The following EIF2AK3 variants were observed in gnomAD, a reference collection of about 807,000 sequenced individuals.
The protein encoded by EIF2AK3 is eukaryotic translation initiation factor 2-alpha kinase 3.
Under a neutral mutation model 113.5 loss-of-function variants are expected in EIF2AK3, and 50 were observed. The ratio of observed to expected loss-of-function variants is 0.44; its 90% CI spans 0.35 to 0.56. The LOEUF (loss-of-function observed/expected upper bound fraction) is 0.56, where lower values mean the gene tolerates loss of function less well. EIF2AK3 is among the 20% of genes least tolerant of loss of function. The pLI is 0.00. For synonymous variants in EIF2AK3, 448 were observed against 495.4 expected, an observed-to-expected ratio of 0.90 and a Z score of 1.27; for missense variants, 1,185 against 1,378.0, an observed-to-expected ratio of 0.86 and a Z score of 2.22.
chr2:88,613,374 TTTTA>T (rs1675499291), intron 2 of EIF2AK3, among the ~76,000 whole-genome samples: 1 of 152,210 alleles, frequency 6.6e-6, no homozygotes, highest in Non-Finnish European at 1.5e-5. Context: ...TCAATAAAGT[TTTTA>T]TTTATATTTA....
chr2:88,621,507 A>G (rs1465496833), intron 1 of EIF2AK3, among the ~76,000 whole-genome samples: 1 of 152,232 alleles, frequency 6.6e-6, no homozygotes, highest in Non-Finnish European at 1.5e-5. Context: ...TTATTTCACA[A>G]AACTATAAAT....
chr2:88,574,959 G>C lies in EIF2AK3; in HGVS notation c.2524C>G (p.Pro842Ala), dbSNP rs776415401. Residue 842 changes from proline (P) to alanine (A), a missense_variant, in exon 13 of 17, where the codon CCC (proline) becomes GCC (alanine). Physicochemically the swap from Pro to Ala is conservative, Grantham distance 27. Around this residue, in one of 3 missense-constraint regions of EIF2AK3, gnomAD observed 877 missense variants for 1,024.2 expected, o/e 0.86. Transcript: ENST00000303236. Reference protein sequence around the residue: ...HCANKLTAFKPTSSKSSSEAT... With the variant: ...HCANKLTAFKATSSKSSSEAT... ...TCAGAAGAAGATTTGCTACTGGTGG[G>C]CTTGAAAGCAGTTAGTTTATTAGCA... is the stretch of plus-strand genomic sequence containing the variant. 4 of 1,614,224 alleles carry C rather than the reference G, an allele frequency of 2.5e-6. No individual in the cohort carries two copies. The South Asian group carries it at 4.4e-5, about 18-fold the overall frequency.
At chr2:88,593,478 T>C in intron 3 of EIF2AK3, 73 bp from the exon 4 acceptor site, 1 of 1,567,020 alleles carries the variant, frequency 6.4e-7, no homozygotes, top group Non-Finnish European at 8.7e-7. Flanking sequence ...ATTAAAGGAA[T>C]CTGTAATTTT....
At chr2:88,591,108 A>T in intron 4 of EIF2AK3, 56 bp from the exon 5 acceptor site, 3 of 1,454,688 alleles carry the variant, frequency 2.1e-6, no homozygotes, top group South Asian at 2.3e-5. Context: ...GGGACAAAAT[A>T]ATATAGAACT....
In EIF2AK3 at chr2:88,609,266, C is replaced by T. The variant is rs192680554; in HGVS notation, c.438+4458G>A. 1.7e-3 allele frequency among the ~76,000 whole-genome samples: 260 copies of T among 152,212 alleles called. 1 individual carries two copies. Among genetic ancestry groups the T allele is most frequent in the South Asian group, 7.5e-3 (36 of 4,820 alleles). The stretch of plus-strand genomic sequence containing the variant: ...ATTAAGTAATTTTCAAAGTATGGTT[C>T]GTGGATTCTTTCAGGGGTGCAAAAT... On this transcript the variant is annotated intron_variant, in intron 2 of 16. Transcript: ENST00000303236.
chr2:88,604,010 A>G (rs932533545), intron 2 of EIF2AK3, among the ~76,000 whole-genome samples: 1 of 152,086 alleles, frequency 6.6e-6, no homozygotes, highest in Non-Finnish European at 1.5e-5. Flanking sequence ...CTGTCACTTT[A>G]CTTCACTCAT....
intron 11 of EIF2AK3, 95 bp from the exon 12 acceptor site, chr2:88,576,798 T>G (rs909799288): frequency 6.4e-5 from 86 of 1,340,364 alleles, no homozygotes; most frequent in Non-Finnish European, 8.9e-5. Context: ...AATATGTAGA[T>G]GTATTATATA....
At chr2:88,586,487 G>C (rs1674734987) in intron 8 of EIF2AK3, among the ~76,000 whole-genome samples, 1 of 151,588 alleles carries the variant, frequency 6.6e-6, no homozygotes, top group Non-Finnish European at 1.5e-5. Flanking sequence ...ATGCTGTTTG[G>C]TTCAGTTTAG....
intron 12 of EIF2AK3, 98 bp from the exon 13 acceptor site, chr2:88,575,544 G>A (rs763447526): frequency 7.0e-6 from 9 of 1,277,244 alleles, no homozygotes; most frequent in Admixed American, 1.8e-5. Context: ...CTGTAATAAG[G>A]CCACTTACCA....
chr2:88,614,319 T>C (rs562359996), intron 1 of EIF2AK3, among the ~76,000 whole-genome samples: 28 of 152,282 alleles, frequency 1.8e-4, no homozygotes, highest in Admixed American at 6.5e-4. Context: ...ATGTATCTCA[T>C]TGCCATTTCC....
Position 88,575,187 on chromosome 2 carries a change from G to A in EIF2AK3, c.2296C>T (p.Leu766Phe), listed in dbSNP as rs778113344. 1 of 1,613,370 alleles carries A rather than the reference G, an allele frequency of 6.2e-7. No homozygotes were observed. Among genetic ancestry groups the A allele is most frequent in the Non-Finnish European group, 8.5e-7 (1 of 1,179,542 alleles). The change falls in exon 13 of 17, where the codon CTT becomes TTT. Residue 766 changes from leucine (L) to phenylalanine (F), a missense_variant. Leu to Phe is a conservative substitution (Grantham distance 22). Around this residue, in one of 3 missense-constraint regions of EIF2AK3, gnomAD observed 877 missense variants for 1,024.2 expected, o/e 0.86. Coordinates refer to ENST00000303236, the MANE Select transcript of EIF2AK3 (RefSeq NM_004836.7). ...CCATCTTCCACATCACAGTCTGTAA[G>A]GCAACTGTCCTGGAGGTTGTATGCT... ...DAAYNLQDSC[L>F]TDCDVEDGTM...
At chr2:88,572,384 C>T (rs1352332485) in intron 13 of EIF2AK3, among the ~76,000 whole-genome samples, 1 of 152,216 alleles carries the variant, frequency 6.6e-6, no homozygotes, top group Non-Finnish European at 1.5e-5. Context: ...TGCAGCAAAA[C>T]CCCACGGTTA....
At position 88,575,147 on chromosome 2, in the gene EIF2AK3, T is replaced by C. The variant is rs752973018; in HGVS notation, c.2336A>G (p.Asn779Ser). The change falls in exon 13 of 17, where the codon AAT becomes AGT. Residue 779 changes from asparagine to serine, a missense_variant. Around this residue, in one of 3 missense-constraint regions of EIF2AK3, gnomAD observed 877 missense variants for 1,024.2 expected, o/e 0.86. Coordinates refer to ENST00000303236, the MANE Select transcript of EIF2AK3 (RefSeq NM_004836.7). ...CDVEDGTMDG[N>S]DEGHSFELCP... is the part of the protein sequence containing the mutation. ...AAGTTCAAAGGAGTGCCCCTCATCATTGCCATCCATAGTCCCATCTTCCAC... is the reference window on the plus strand; with the variant it reads ...AAGTTCAAAGGAGTGCCCCTCATCACTGCCATCCATAGTCCCATCTTCCAC... The C allele has an allele frequency of 1.2e-6, 2 of 1,614,148 alleles. No homozygotes were observed. The highest frequency in any genetic ancestry group is 1.7e-5 in the Admixed American group (1 of 60,018).
chr2:88,583,386 A>G (rs1674642754), intron 10 of EIF2AK3, 44 bp downstream of exon 10: 13 of 1,485,018 alleles, frequency 8.8e-6, no homozygotes, highest in Non-Finnish European at 1.2e-5. Context: ...ATCTTAGGTC[A>G]TTTCTTCTTT....
intron 14 of EIF2AK3, among the ~76,000 whole-genome samples, chr2:88,568,451 A>AT (rs1484065072): frequency 1.3e-5 from 2 of 152,220 alleles, no homozygotes; most frequent in East Asian, 3.8e-4. Flanking sequence ...ACCAAAAAAC[A>AT]TTTCACTTAA....
Position 88,623,492 on chromosome 2 carries a change from C to T in EIF2AK3, c.308+3475G>A, listed in dbSNP as rs983137992. 7.2e-5 allele frequency among the ~76,000 whole-genome samples: 11 copies of T among 152,144 alleles called. 1 individual carries two copies. Among genetic ancestry groups the T allele is most frequent in the Non-Finnish European group, 1.0e-4 (7 of 68,030 alleles). The stretch of plus-strand genomic sequence containing the variant: ...CAATGAACTGGTGAATCTCGGATTG[C>T]TTCTTGAGTATCAAAAGACAACATG... On this transcript the variant is annotated intron_variant, in intron 1 of 16. Transcript: ENST00000303236.
intron 16 of EIF2AK3, 21 bp downstream of exon 16, chr2:88,558,896 A>G: frequency 6.4e-7 from 1 of 1,557,110 alleles, no homozygotes. Context: ...AAAGAAGATA[A>G]AAGATGAGAA....
chr2:88,627,343 C>T lies in EIF2AK3; in HGVS notation c.-69G>A, dbSNP rs1675898242. 2 of 1,414,674 alleles carry T rather than the reference C, an allele frequency of 1.4e-6. No homozygotes were observed. The highest frequency in any genetic ancestry group is 1.5e-5 in the African/African-American group (1 of 67,076). 87.6% of individuals were successfully genotyped at this position (1,414,674 alleles called of 1,614,324 possible). ...CGCCTGCCTCTCCCGCCGCTTGGAG[C>T]TCCCAAGAAGGCAAGGACGTGCTAG... On this transcript the variant is annotated 5_prime_UTR_variant, in exon 1 of 17. Transcript: ENST00000303236.
intron 10 of EIF2AK3, among the ~76,000 whole-genome samples, chr2:88,582,247 A>C (rs2104423491): frequency 6.6e-6 from 1 of 152,316 alleles, no homozygotes; most frequent in East Asian, 1.9e-4. Flanking sequence ...TACTAAGGGG[A>C]AATTGGATTG....
Sources: gnomAD v4.1 joint callset for allele counts (sites outside exome capture counted in the v4.1 genomes callset) on GRCh38, gnomAD v4.1.1 for gene constraint, gnomAD v4.1.1 regional missense constraint, MANE v1.5 for transcripts, NCBI Gene and HGNC (gene_info 2026-07-23, HGNC 2026-07-21) for gene names.